Variants in SLC35F1 observed in about 807,000 individuals in gnomAD.
SLC35F1 encodes solute carrier family 35 member F1, also known as chromosome 6 open reading frame 169.
A neutral mutation model predicts 48.7 loss-of-function variants in SLC35F1; 14 were observed. That is an observed-to-expected ratio of 0.29 (90% CI 0.19 to 0.45). SLC35F1 has a LOEUF of 0.45. Among genes scored for constraint, SLC35F1 ranks in the 20% least tolerant of loss-of-function variants. SLC35F1 has a pLI of 1.00. For synonymous variants in SLC35F1, 190 were observed against 202.2 expected, an observed-to-expected ratio of 0.94 and a Z score of 0.51; for missense variants, 404 against 500.0, an observed-to-expected ratio of 0.81 and a Z score of 1.83.
chr6:118,230,643 C>T (rs1775280575), intron 2 of SLC35F1, among the ~76,000 whole-genome samples: 1 of 152,126 alleles, frequency 6.6e-6, no homozygotes, highest in Non-Finnish European at 1.5e-5. Context: ...TACACGCACA[C>T]ATAGAAATGT....
intron 6 of SLC35F1, among the ~76,000 whole-genome samples, chr6:118,281,813 G>C (rs1178174982): frequency 6.6e-6 from 1 of 152,172 alleles, no homozygotes; most frequent in African/African-American, 2.4e-5. Context: ...ATTTAACCCA[G>C]TATGGACTGT....
At chr6:118,228,812 C>G (rs1479362687) in intron 2 of SLC35F1, among the ~76,000 whole-genome samples, 1 of 152,002 alleles carries the variant, frequency 6.6e-6, no homozygotes, top group African/African-American at 2.4e-5. Context: ...GGATCTTGCC[C>G]CCTGTGCAGG....
chr6:118,114,968 C>T (rs575945397), intron 1 of SLC35F1, among the ~76,000 whole-genome samples: 1 of 152,252 alleles, frequency 6.6e-6, no homozygotes, highest in Non-Finnish European at 1.5e-5. Context: ...AGAGAAGCAG[C>T]ATCTAGGATA....
chr6:118,078,843 G>T (rs1287895245), intron 1 of SLC35F1, among the ~76,000 whole-genome samples: 1 of 151,944 alleles, frequency 6.6e-6, no homozygotes, highest in Admixed American at 6.5e-5. Flanking sequence ...GTCCCTGCTG[G>T]CCTCTATGGA....
At chr6:118,127,114 G>A (rs1369098687) in intron 1 of SLC35F1, among the ~76,000 whole-genome samples, 14 of 149,626 alleles carry the variant, frequency 9.4e-5, no homozygotes, top group Non-Finnish European at 1.3e-4. Flanking sequence ...ATTGGCTGTG[G>A]GTTTGTCATA....
chr6:118,287,450 G>A (rs763186307), intron 7 of SLC35F1, among the ~76,000 whole-genome samples: 1 of 152,176 alleles, frequency 6.6e-6, no homozygotes, highest in South Asian at 2.1e-4. Flanking sequence ...GTTCTGCTGA[G>A]GGCTGCAGTC....
intron 1 of SLC35F1, among the ~76,000 whole-genome samples, chr6:117,923,885 T>C (rs1775979898): frequency 7.4e-6 from 1 of 135,908 alleles, no homozygotes; most frequent in Non-Finnish European, 1.6e-5. Context: ...CATATGTAGA[T>C]ACACATATAC....
rs139217628 is a variant in SLC35F1, at chr6:118,314,222, C to G, written c.1197C>G (p.Thr399=). 1 of 1,614,144 alleles carries G rather than the reference C, an allele frequency of 6.2e-7. No homozygotes were observed. The highest frequency in any genetic ancestry group is 8.5e-7 in the Non-Finnish European group (1 of 1,180,022). The part of the protein sequence containing the change: ...SVTYTSLGQE[T]EEEPHVRVA ...CCTACACCAGCCTGGGCCAGGAGAC[C>G]GAAGAGGAGCCTCATGTTCGTGTGG... The change falls in exon 8 of 8, where the codon ACC becomes ACG. Residue 399 remains threonine, a synonymous_variant. Coordinates refer to ENST00000360388, the MANE Select transcript of SLC35F1 (RefSeq NM_001029858.4).
chr6:117,944,205 T>C (rs1375573129), intron 1 of SLC35F1, among the ~76,000 whole-genome samples: 1 of 152,262 alleles, frequency 6.6e-6, no homozygotes, highest in Admixed American at 6.5e-5. Flanking sequence ...ATTTCTATAA[T>C]TGAACTTAGT....
chr6:118,262,495 C>T lies in SLC35F1; in HGVS notation c.478-4500C>T, dbSNP rs183056371. On this transcript the variant is annotated intron_variant, in intron 3 of 7. Transcript: ENST00000360388. The stretch of plus-strand genomic sequence containing the variant: ...AAATTTTAGTGCTACTTAATGTTGA[C>T]TGTCTTCTGTTGTCTTAAAAGTAAT... Among the ~76,000 whole-genome samples the T allele has an allele frequency of 3.3e-3, 501 of 152,298 alleles. 3 individuals are homozygous for T. Among genetic ancestry groups the T allele is most frequent in the African/African-American group, 0.012 (481 of 41,564 alleles).
intron 1 of SLC35F1, among the ~76,000 whole-genome samples, chr6:117,992,131 A>G (rs143899535): frequency 0.029 from 4,359 of 151,750 alleles, 90 homozygotes; most frequent in Non-Finnish European, 0.044. Context: ...ATTCAAGCAG[A>G]TTTTTTTTCT....
At chr6:118,301,652 T>G (rs1339870899) in intron 7 of SLC35F1, among the ~76,000 whole-genome samples, 2 of 152,238 alleles carry the variant, frequency 1.3e-5, no homozygotes, top group Non-Finnish European at 2.9e-5. Context: ...TGTTTAGGCA[T>G]CTATATTGGT....
intron 1 of SLC35F1, among the ~76,000 whole-genome samples, chr6:118,074,858 G>A (rs1772794504): frequency 6.6e-6 from 1 of 152,118 alleles, no homozygotes; most frequent in African/African-American, 2.4e-5. Context: ...TGCCCAGGCT[G>A]GTCTCTAACT....
chr6:118,181,995 A>G (rs1281396181), intron 2 of SLC35F1, among the ~76,000 whole-genome samples: 2 of 152,206 alleles, frequency 1.3e-5, no homozygotes, highest in African/African-American at 4.8e-5. Context: ...AGCAAGAAAT[A>G]GTAAAGTGTG....
chr6:118,067,471 A>G (rs2114287483), intron 1 of SLC35F1, among the ~76,000 whole-genome samples: 1 of 152,320 alleles, frequency 6.6e-6, no homozygotes, highest in Admixed American at 6.5e-5. Flanking sequence ...AGAAAGCCCC[A>G]TACATAAGGT....
rs188224630 is a variant in SLC35F1 at position 118,247,990 on chromosome 6, G to T, written c.477+12354G>T. Among the ~76,000 whole-genome samples the T allele has an allele frequency of 1.2e-4, 19 of 152,272 alleles. No individual in the cohort carries two copies. In the East Asian group the frequency reaches 3.3e-3, roughly 26 times the overall value. On this transcript the variant is annotated intron_variant, in intron 3 of 7. Coordinates refer to ENST00000360388, the MANE Select transcript of SLC35F1 (RefSeq NM_001029858.4). ...CCAAATAGTAAAACCTACCCAAAAA[G>T]TATGAGCAACTGCTTTCATTAAGGA...
intron 1 of SLC35F1, among the ~76,000 whole-genome samples, chr6:118,124,944 G>A (rs1390210180): frequency 1.3e-5 from 2 of 152,146 alleles, no homozygotes; most frequent in Non-Finnish European, 2.9e-5. Flanking sequence ...TGAATGAACA[G>A]TAAATTATAA....
intron 1 of SLC35F1, among the ~76,000 whole-genome samples, chr6:118,048,904 A>G (rs1193312624): frequency 6.6e-6 from 1 of 152,208 alleles, no homozygotes; most frequent in Admixed American, 6.5e-5. Context: ...CCGCATCGCC[A>G]AGTCAATCCT....
chr6:118,310,705 A>G (rs984521196), intron 7 of SLC35F1, among the ~76,000 whole-genome samples: 1 of 152,122 alleles, frequency 6.6e-6, no homozygotes, highest in Non-Finnish European at 1.5e-5. Flanking sequence ...ATCCCATGCT[A>G]TCTATCTTTG....
Sources: gnomAD v4.1 joint callset for allele counts (sites outside exome capture counted in the v4.1 genomes callset) on GRCh38, gnomAD v4.1.1 for gene constraint, MANE v1.5 for transcripts, NCBI Gene and HGNC (gene_info 2026-07-23, HGNC 2026-07-21) for gene names.